AIG1: variants seen among roughly 807,000 people sequenced by gnomAD.
AIG1 encodes androgen induced 1.
In AIG1, 23 loss-of-function variants were observed where a neutral mutation model predicts 31.4. That is an observed-to-expected ratio of 0.73 (90% confidence interval 0.53 to 1.04). The LOEUF is 1.04. Among genes scored for constraint, AIG1 ranks in the 50% least tolerant of loss-of-function variants. The probability of loss-of-function intolerance (pLI) is 0.00; values close to 1 mark genes in which losing one functional copy is unlikely to be tolerated. For synonymous variants in AIG1, 100 were observed against 110.5 expected (o/e 0.90, Z 0.60); for missense variants, 274 against 295.0 (o/e 0.93, Z 0.52).
chr6:143,177,880 A>G (rs1190364661), intron 3 of AIG1, among the ~76,000 whole-genome samples: 1 of 152,116 alleles, frequency 6.6e-6, no homozygotes, highest in East Asian at 1.9e-4. Context: ...TGGGGTCGCC[A>G]GTGGTGGCAT....
chr6:143,229,666 C>T (rs1172997720), intron 3 of AIG1, among the ~76,000 whole-genome samples: 2 of 152,014 alleles, frequency 1.3e-5, no homozygotes, highest in Non-Finnish European at 2.9e-5. Flanking sequence ...ATAATACCAT[C>T]CCCACAGACC....
intron 4 of AIG1, among the ~76,000 whole-genome samples, chr6:143,323,959 G>A (rs950905275): frequency 6.6e-6 from 1 of 152,170 alleles, no homozygotes; most frequent in Non-Finnish European, 1.5e-5. Flanking sequence ...TCAAGAGAGG[G>A]CCAGGTCTAA....
intron 1 of AIG1, among the ~76,000 whole-genome samples, chr6:143,112,625 A>G (rs146270546): frequency 3.8e-3 from 586 of 152,324 alleles, no homozygotes; most frequent in Non-Finnish European, 6.4e-3. Context: ...AGGTATTTTT[A>G]AAACATGGAA....
chr6:143,185,609 G>A (rs919280751), intron 3 of AIG1, among the ~76,000 whole-genome samples: 3 of 152,098 alleles, frequency 2.0e-5, no homozygotes, highest in Admixed American at 6.5e-5. Flanking sequence ...TATCCAGCAG[G>A]TACCTCTCCT....
At chr6:143,168,555 G>C (rs1014214124) in intron 3 of AIG1, among the ~76,000 whole-genome samples, 3 of 151,822 alleles carry the variant, frequency 2.0e-5, no homozygotes, top group Admixed American at 2.0e-4. Flanking sequence ...ATAGTTTCCA[G>C]CTTCATCCAT....
At chr6:143,121,792 G>A (rs762091637) in intron 1 of AIG1, among the ~76,000 whole-genome samples, 41 of 152,226 alleles carry the variant, frequency 2.7e-4, no homozygotes, top group Admixed American at 7.9e-4. Flanking sequence ...ATATTACTTG[G>A]ATTCACTTAG....
At chr6:143,195,245 C>T (rs1458766768) in intron 3 of AIG1, among the ~76,000 whole-genome samples, 1 of 152,028 alleles carries the variant, frequency 6.6e-6, no homozygotes, top group Admixed American at 6.5e-5. Context: ...TTACATATAG[C>T]TGGAAGAGGA....
At chr6:143,082,899 CT>C (rs1396560033) in intron 1 of AIG1, among the ~76,000 whole-genome samples, 1 of 152,248 alleles carries the variant, frequency 6.6e-6, no homozygotes. Flanking sequence ...TGAAAAGCCA[CT>C]TCTGCTTCAG....
intron 1 of AIG1, among the ~76,000 whole-genome samples, chr6:143,066,059 A>G (rs1261660405): frequency 6.6e-6 from 1 of 152,240 alleles, no homozygotes; most frequent in Non-Finnish European, 1.5e-5. Flanking sequence ...GCTGAGGACC[A>G]GCAGGATCAA....
chr6:143,112,392 G>A (rs1233590165), intron 1 of AIG1, among the ~76,000 whole-genome samples: 1 of 152,090 alleles, frequency 6.6e-6, no homozygotes, highest in African/African-American at 2.4e-5. Flanking sequence ...TGCATTATAT[G>A]TGTTTCTTTA....
intron 3 of AIG1, among the ~76,000 whole-genome samples, chr6:143,206,975 A>G (rs1012331634): frequency 6.6e-6 from 1 of 152,110 alleles, no homozygotes; most frequent in African/African-American, 2.4e-5. Flanking sequence ...AGATCTGGAC[A>G]TTTTTTAATG....
chr6:143,120,126 G>A (rs1782117755), intron 1 of AIG1, among the ~76,000 whole-genome samples: 1 of 152,064 alleles, frequency 6.6e-6, no homozygotes, highest in South Asian at 2.1e-4. Flanking sequence ...CAGAGATGGG[G>A]TCTCTCCATA....
intron 1 of AIG1, among the ~76,000 whole-genome samples, chr6:143,092,995 A>G (rs1779438139): frequency 6.6e-6 from 1 of 152,194 alleles, no homozygotes; most frequent in South Asian, 2.1e-4. Context: ...GGCTGCAGTG[A>G]GCTGTGATTG....
chr6:143,180,197 GAT>G (rs1475853016), intron 3 of AIG1, among the ~76,000 whole-genome samples: 4 of 152,170 alleles, frequency 2.6e-5, no homozygotes, highest in Non-Finnish European at 4.4e-5. Flanking sequence ...CCTGGACTTT[GAT>G]ATAATTCAAT....
Position 143,333,185 on chromosome 6 carries a change from T to G in AIG1, c.516-97T>G. Reference sequence around the variant, plus strand: ...CTTGAGACTGGCAAATGCTGAAGCATGGGGAGAGTGAGGGAGTGTATATTT... The same window carrying G: ...CTTGAGACTGGCAAATGCTGAAGCAGGGGGAGAGTGAGGGAGTGTATATTT... On this transcript the variant is annotated intron_variant, in intron 4 of 5. Coordinates refer to ENST00000357847, the MANE Select transcript of AIG1 (RefSeq NM_016108.4). This position sits in a 1 kb window ranked among gnomAD's most constrained non-coding sequence, Gnocchi z 4.6. The G allele has an allele frequency of 8.1e-7, 1 of 1,228,298 alleles. No homozygotes were observed. 76.1% of individuals were successfully genotyped at this position (1,228,298 alleles called of 1,614,324 possible).
Position 143,060,944 on chromosome 6 carries a change from C to A in AIG1, c.19C>A (p.Gln7Lys), listed in dbSNP as rs766423719. Residue 7 changes from glutamine to lysine, a missense_variant, in exon 1 of 6, where the codon CAG becomes AAG. Physicochemically the swap from Gln to Lys is moderately conservative, Grantham distance 53. This residue lies in a region of AIG1 where 243 missense variants were observed against 238.5 expected (regional missense o/e 1.02). Transcript: ENST00000357847. MALVPC[Q>K]VLRMAILLSY... is the part of the protein sequence containing the mutation. ...GGCGAACATGGCGCTTGTCCCCTGC[C>A]AGGTGCTGCGGATGGCAATCCTGCT... 22 of 1,611,496 alleles carry A rather than the reference C, an allele frequency of 1.4e-5. No homozygotes were observed. The highest frequency in any genetic ancestry group is 1.9e-5 in the Non-Finnish European group (22 of 1,179,448).
At chr6:143,323,222 T>G (rs1776356908) in intron 4 of AIG1, among the ~76,000 whole-genome samples, 1 of 152,160 alleles carries the variant, frequency 6.6e-6, no homozygotes, top group Non-Finnish European at 1.5e-5. Context: ...AAAATAAAAA[T>G]GCAGAGCCCC....
intron 3 of AIG1, among the ~76,000 whole-genome samples, chr6:143,274,832 C>G (rs563313120): frequency 6.6e-6 from 1 of 152,276 alleles, no homozygotes; most frequent in East Asian, 1.9e-4. Flanking sequence ...TCCTTCATTT[C>G]GTCATGTATA....
chr6:143,319,515 G>T (rs1198992753), intron 4 of AIG1, among the ~76,000 whole-genome samples: 1 of 152,028 alleles, frequency 6.6e-6, no homozygotes, highest in Admixed American at 6.6e-5. Context: ...CTACACGTTG[G>T]GTACAATGTA....
Sources: gnomAD v4.1 joint callset for allele counts (sites outside exome capture counted in the v4.1 genomes callset) on GRCh38, gnomAD v4.1.1 for gene constraint, gnomAD v4.1.1 regional missense constraint, Gnocchi (gnomAD v3.1) non-coding constraint, MANE v1.5 for transcripts, NCBI Gene and HGNC (gene_info 2026-07-23, HGNC 2026-07-21) for gene names.